Variants in CDH12 observed in about 807,000 individuals in gnomAD.
CDH12 encodes cadherin 12, also known as cadherin-12.
In CDH12, 41 loss-of-function variants were observed where a neutral mutation model predicts 74.1. The observed-to-expected ratio is 0.55, with a 90% CI of 0.43 to 0.72. The LOEUF is 0.72. Among genes scored for constraint, CDH12 ranks in the 30% least tolerant of loss-of-function variants. CDH12 has a pLI of 0.00. For missense variants in CDH12, 945 were observed against 977.2 expected, an observed-to-expected ratio of 0.97 and a Z score of 0.44; for synonymous variants, 399 against 355.0, an observed-to-expected ratio of 1.12 and a Z score of -1.39.
At chr5:22,716,016 A>ACC (rs1161709495) in intron 1 of CDH12, among the ~76,000 whole-genome samples, 1 of 151,900 alleles carries the variant, frequency 6.6e-6, no homozygotes, top group Non-Finnish European at 1.5e-5. Context: ...GCGTGCCTGT[A>ACC]ATCTCAGCTA....
chr5:22,276,794 C>T (rs1339509950), intron 3 of CDH12, among the ~76,000 whole-genome samples: 3 of 152,208 alleles, frequency 2.0e-5, no homozygotes, highest in Non-Finnish European at 4.4e-5. Flanking sequence ...TCAAGCCATG[C>T]TCCTGCCTCA....
chr5:22,237,262 G>C (rs34196677), intron 3 of CDH12, among the ~76,000 whole-genome samples: 64,556 of 151,826 alleles, frequency 0.43, 13,926 homozygotes, highest in East Asian at 0.49. Context: ...GTTATGTGGT[G>C]CATGACAGTA....
intron 2 of CDH12, among the ~76,000 whole-genome samples, chr5:22,413,990 A>G (rs1320877559): frequency 6.6e-6 from 1 of 151,988 alleles, no homozygotes; most frequent in Non-Finnish European, 1.5e-5. Context: ...CAGGCTGATT[A>G]TTAATTACAT....
intron 2 of CDH12, among the ~76,000 whole-genome samples, chr5:22,471,124 C>T (rs939782239): frequency 6.6e-6 from 1 of 152,012 alleles, no homozygotes; most frequent in African/African-American, 2.4e-5. Context: ...GATGAACTTA[C>T]TCCTAGTTCC....
At chr5:22,681,736 T>C (rs1741504021) in intron 1 of CDH12, among the ~76,000 whole-genome samples, 1 of 152,104 alleles carries the variant, frequency 6.6e-6, no homozygotes. Context: ...TGAAACATTG[T>C]GATTGTTTCA....
At chr5:22,834,363 T>G (rs1428440104) in intron 1 of CDH12, among the ~76,000 whole-genome samples, 1 of 152,164 alleles carries the variant, frequency 6.6e-6, no homozygotes, top group Non-Finnish European at 1.5e-5. Context: ...CAGAGAGATT[T>G]AATGTACTTA....
At chr5:22,442,219 T>C (rs944310581) in intron 2 of CDH12, among the ~76,000 whole-genome samples, 3 of 152,194 alleles carry the variant, frequency 2.0e-5, no homozygotes, top group Non-Finnish European at 4.4e-5. Context: ...TATCAAAAAC[T>C]TTAATTGCTT....
At chr5:22,177,499 T>C (rs1480772712) in intron 4 of CDH12, among the ~76,000 whole-genome samples, 1 of 152,178 alleles carries the variant, frequency 6.6e-6, no homozygotes, top group Admixed American at 6.6e-5. Context: ...ACAAATTCTT[T>C]GAAAATCCAA....
chr5:22,520,920 T>C (rs1737028321), intron 1 of CDH12, among the ~76,000 whole-genome samples: 2 of 152,088 alleles, frequency 1.3e-5, no homozygotes, highest in Admixed American at 1.3e-4. Flanking sequence ...GAATCCTCTT[T>C]AGATGTTTTT....
In CDH12 at chr5:21,842,265, A is replaced by G; in HGVS notation, c.710T>C (p.Ile237Thr). The change falls in exon 8 of 15, where the codon ATC becomes ACC. Residue 237 changes from isoleucine to threonine, a missense_variant. By Grantham distance (89) the Ile-to-Thr change is moderately conservative (BLOSUM62 -1). Coordinates refer to ENST00000382254, the MANE Select transcript of CDH12 (RefSeq NM_004061.5). ...CTGTCCTCCCATATCCTTGGCTTGGATGAGTACTTGATATTGTTCTTTGAC... is the reference window on the plus strand; with the variant it reads ...CTGTCCTCCCATATCCTTGGCTTGGGTGAGTACTTGATATTGTTCTTTGAC... Reference protein sequence around the residue: ...REVKEQYQVLIQAKDMGGQLG... With the variant: ...REVKEQYQVLTQAKDMGGQLG... The G allele has an allele frequency of 1.9e-6, 3 of 1,613,424 alleles. No individual in the cohort carries two copies. The highest frequency in any genetic ancestry group is 2.5e-6 in the Non-Finnish European group (3 of 1,179,568).
chr5:22,529,028 C>T (rs202132736), intron 1 of CDH12, among the ~76,000 whole-genome samples: 1 of 109,820 alleles, frequency 9.1e-6, no homozygotes, highest in East Asian at 4.7e-4. Context: ...TGTCTGTATG[C>T]ATATATGCAT....
chr5:22,119,786 T>C (rs918579285), intron 4 of CDH12, among the ~76,000 whole-genome samples: 6 of 152,062 alleles, frequency 3.9e-5, no homozygotes, highest in Admixed American at 6.6e-5. Context: ...AAAATGAAAA[T>C]GTGACATATA....
chr5:22,221,958 T>C (rs980932688), intron 3 of CDH12, among the ~76,000 whole-genome samples: 3 of 151,944 alleles, frequency 2.0e-5, no homozygotes, highest in Non-Finnish European at 4.4e-5. Flanking sequence ...AATTTTTCAG[T>C]GTCTCAGTTT....
intron 1 of CDH12, among the ~76,000 whole-genome samples, chr5:22,719,799 T>G (rs1006727675): frequency 8.5e-5 from 13 of 152,330 alleles, no homozygotes; most frequent in Middle Eastern, 3.4e-3. Flanking sequence ...CAAAAAGATC[T>G]TTGATTCTTC....
At chr5:22,582,018 G>C (rs1037240014) in intron 1 of CDH12, among the ~76,000 whole-genome samples, 1 of 152,072 alleles carries the variant, frequency 6.6e-6, no homozygotes, top group Non-Finnish European at 1.5e-5. Context: ...AGTAAGGGTA[G>C]AGGTAGTATG....
At chr5:22,326,126 G>C (rs569436344) in intron 3 of CDH12, among the ~76,000 whole-genome samples, 1 of 151,970 alleles carries the variant, frequency 6.6e-6, no homozygotes. Flanking sequence ...CTTTTCCCCC[G>C]TTCTCACCTA....
At chr5:22,052,533 T>C (rs1740446235) in intron 5 of CDH12, among the ~76,000 whole-genome samples, 1 of 152,104 alleles carries the variant, frequency 6.6e-6, no homozygotes, top group South Asian at 2.1e-4. Context: ...CACTGAGAGG[T>C]GTTGCTTATA....
At chr5:21,790,568 T>C (rs924335765) in intron 10 of CDH12, among the ~76,000 whole-genome samples, 7 of 152,096 alleles carry the variant, frequency 4.6e-5, no homozygotes, top group African/African-American at 1.7e-4. Flanking sequence ...TTTAGGGATC[T>C]TTCATTCCAA....
intron 5 of CDH12, among the ~76,000 whole-genome samples, chr5:22,024,046 G>A (rs947085306): frequency 6.6e-6 from 1 of 152,140 alleles, no homozygotes; most frequent in East Asian, 1.9e-4. Context: ...ATTTGTAAAT[G>A]TTCCCACTAC....
Sources: allele counts gnomAD v4.1 joint callset (sites outside exome capture counted in the v4.1 genomes callset), GRCh38; gene constraint gnomAD v4.1.1; transcripts MANE v1.5; gene names NCBI Gene and HGNC (gene_info 2026-07-23, HGNC 2026-07-21).